PKHD1: variants seen among roughly 807,000 people sequenced by gnomAD.
PKHD1 encodes fibrocystin.
In PKHD1, 291 loss-of-function variants were observed where a neutral mutation model predicts 412.0. The observed-to-expected ratio is 0.71, with a 90% CI of 0.64 to 0.78. The LOEUF (loss-of-function observed/expected upper bound fraction) is 0.78. Among genes scored for constraint, PKHD1 ranks in the 30% least tolerant of loss-of-function variants. The pLI is 0.00. For missense variants in PKHD1, 4,825 were observed against 4,950.7 expected, an observed-to-expected ratio of 0.97 and a Z score of 0.76; for synonymous variants, 1,777 against 1,821.5, an observed-to-expected ratio of 0.98 and a Z score of 0.62.
intron 50 of PKHD1, among the ~76,000 whole-genome samples, chr6:51,838,144 G>A (rs1769563211): frequency 6.6e-6 from 1 of 152,138 alleles, no homozygotes; most frequent in Admixed American, 6.5e-5. Flanking sequence ...AATCCATCCT[G>A]TGATATTCAT....
intron 60 of PKHD1, among the ~76,000 whole-genome samples, chr6:51,726,871 T>C (rs552935967): frequency 4.6e-5 from 7 of 152,276 alleles, no homozygotes; most frequent in African/African-American, 1.4e-4. Flanking sequence ...ATTATGTGAA[T>C]ATGGCAAGGG....
At chr6:52,000,509 A>G (rs1335481845) in intron 35 of PKHD1, among the ~76,000 whole-genome samples, 5 of 152,240 alleles carry the variant, frequency 3.3e-5, no homozygotes, top group Non-Finnish European at 5.9e-5. Flanking sequence ...GAAAAAAATA[A>G]TTTCAATTTA....
At chr6:52,014,761 GATGA>G (rs1800294188) in intron 34 of PKHD1, among the ~76,000 whole-genome samples, 2 of 137,238 alleles carry the variant, frequency 1.5e-5, no homozygotes, top group South Asian at 2.5e-4. Flanking sequence ...TGGATGGATG[GATGA>G]ATATACTGGA....
chr6:51,738,002 C>A (rs1418727721), intron 60 of PKHD1, among the ~76,000 whole-genome samples: 1 of 152,052 alleles, frequency 6.6e-6, no homozygotes, highest in Non-Finnish European at 1.5e-5. Flanking sequence ...AAACTATAAG[C>A]CCCACGTTTA....
chr6:51,636,484 C>T (rs1400754730), intron 64 of PKHD1, among the ~76,000 whole-genome samples: 2 of 152,016 alleles, frequency 1.3e-5, no homozygotes, highest in African/African-American at 4.8e-5. Context: ...GAGGTTGAGA[C>T]TGCAATGAGC....
Position 51,847,790 on chromosome 6 carries a change from G to A in PKHD1, c.8092C>T (p.Gln2698Ter), listed in dbSNP as rs1341839220. 6.2e-7 allele frequency: 1 copy of A among 1,612,446 alleles called. No homozygotes were observed. Among genetic ancestry groups the A allele is most frequent in the Non-Finnish European group, 8.5e-7 (1 of 1,178,586 alleles). ...CDWFFNSQLRQLTYLVSGEGQ... is the reference protein window; with the variant it reads ...CDWFFNSQLR ...GGATACTTACCCAGATAGGTGAGTT[G>A]CCTCAGCTGGCTATTGAAGAACCAG... Residue 2698 changes from glutamine (Q) to a stop codon, truncating the protein, a stop_gained, in exon 50 of 67, where the codon CAA becomes TAA. Coordinates refer to ENST00000371117, the MANE Select transcript of PKHD1 (RefSeq NM_138694.4). LOFTEE classifies it high-confidence loss of function.
At chr6:52,039,715 C>T (rs929868890) in intron 27 of PKHD1, among the ~76,000 whole-genome samples, 1 of 152,168 alleles carries the variant, frequency 6.6e-6, no homozygotes, top group East Asian at 1.9e-4. Flanking sequence ...AGAAGTTAAA[C>T]ATGGAGTTAC....
chr6:51,990,960 G>A (rs1796977797), intron 35 of PKHD1, among the ~76,000 whole-genome samples: 1 of 152,136 alleles, frequency 6.6e-6, no homozygotes, highest in Non-Finnish European at 1.5e-5. Context: ...AGAGTGCTAT[G>A]AAAATAAGTA....
intron 60 of PKHD1, among the ~76,000 whole-genome samples, chr6:51,685,197 A>G (rs894022085): frequency 4.6e-5 from 7 of 152,106 alleles, no homozygotes; most frequent in Non-Finnish European, 1.0e-4. Flanking sequence ...AACTGTTAGG[A>G]GTAAGAGTGG....
intron 5 of PKHD1, among the ~76,000 whole-genome samples, chr6:52,078,792 TC>T (rs772054199): frequency 5.3e-5 from 8 of 152,212 alleles, no homozygotes; most frequent in Non-Finnish European, 1.2e-4. Flanking sequence ...TCTGTTATGT[TC>T]CCTGAGACAG....
intron 43 of PKHD1, among the ~76,000 whole-genome samples, chr6:51,895,828 A>C (rs1193742522): frequency 6.6e-6 from 1 of 152,150 alleles, no homozygotes; most frequent in Non-Finnish European, 1.5e-5. Flanking sequence ...CACAAGCCGA[A>C]GCAGGGTGAG....
At chr6:51,760,646 G>A (rs889838516) in intron 55 of PKHD1, among the ~76,000 whole-genome samples, 5 of 152,032 alleles carry the variant, frequency 3.3e-5, no homozygotes, top group African/African-American at 1.2e-4. Flanking sequence ...AGAGCCATGG[G>A]TGAAGTGCTG....
rs527661272 is a variant in PKHD1 at position 51,627,027 on chromosome 6, G to A, written c.11755C>T (p.Pro3919Ser). 1 of 1,613,416 alleles carries A rather than the reference G, an allele frequency of 6.2e-7. No individual in the cohort carries two copies. The highest frequency in any genetic ancestry group is 8.5e-7 in the Non-Finnish European group (1 of 1,179,564). ...CCCACCACAGTGTCTTCTTTTTTGG[G>A]CCCTTGTGATTCTCGGCGTTTGGAT... ...ISSKRRESQG[P>S]KKEDTVVGED... Residue 3919 changes from proline (P) to serine (S), a missense_variant, in exon 66 of 67, where the codon CCC becomes TCC. Coordinates refer to ENST00000371117, the MANE Select transcript of PKHD1 (RefSeq NM_138694.4).
rs1412211049 is a variant in PKHD1, at chr6:51,714,078, GA to G, written c.10156+30306del. ...AGATGAAGAATTCATAACACATTGA[GA>G]AAAAAAAATTGGCCAGGAACAGTGG... is the stretch of plus-strand genomic sequence containing the variant. On this transcript the variant is annotated intron_variant, in intron 60 of 66. Transcript: ENST00000371117. Among the ~76,000 whole-genome samples, 16 of 151,470 alleles carry G rather than the reference GA, an allele frequency of 1.1e-4. No homozygotes were observed. The East Asian group carries it at 2.5e-3, about 24-fold the overall frequency.
intron 55 of PKHD1, among the ~76,000 whole-genome samples, chr6:51,759,989 C>T (rs977297211): frequency 6.6e-6 from 1 of 151,972 alleles, no homozygotes; most frequent in African/African-American, 2.4e-5. Context: ...GCAATAGAAC[C>T]CAATAGTTTA....
chr6:51,671,703 T>C (rs1328840207), intron 60 of PKHD1, among the ~76,000 whole-genome samples: 1 of 152,178 alleles, frequency 6.6e-6, no homozygotes, highest in Non-Finnish European at 1.5e-5. Flanking sequence ...TCTTTGATGA[T>C]GGTGATGTAC....
intron 56 of PKHD1, among the ~76,000 whole-genome samples, chr6:51,753,777 A>G (rs956051177): frequency 2.0e-5 from 3 of 152,174 alleles, no homozygotes; most frequent in African/African-American, 7.2e-5. Flanking sequence ...GCAGTGACAG[A>G]GCAAAAGCAG....
At chr6:51,668,577 A>G (rs1055682680) in intron 60 of PKHD1, among the ~76,000 whole-genome samples, 1 of 152,074 alleles carries the variant, frequency 6.6e-6, no homozygotes, top group African/African-American at 2.4e-5. Context: ...AACTTCCAAC[A>G]CTATGTTGAA....
chr6:51,845,879 T>C (rs1299086207), intron 50 of PKHD1, among the ~76,000 whole-genome samples: 1 of 152,214 alleles, frequency 6.6e-6, no homozygotes, highest in Non-Finnish European at 1.5e-5. Flanking sequence ...ATTCAGATTA[T>C]TTTGCAGTTC....
Sources: allele counts gnomAD v4.1 joint callset (sites outside exome capture counted in the v4.1 genomes callset), GRCh38; gene constraint gnomAD v4.1.1; transcripts MANE v1.5; gene names NCBI Gene and HGNC (gene_info 2026-07-23, HGNC 2026-07-21).